BZW2: variants seen among roughly 807,000 people sequenced by gnomAD.
BZW2 encodes the protein basic leucine zipper and W2 domains 2, also known as eIF5-mimic protein 1.
In BZW2, 23 loss-of-function variants were observed where a neutral mutation model predicts 53.2. That is an observed-to-expected ratio of 0.43 (90% CI 0.31 to 0.61). The LOEUF (loss-of-function observed/expected upper bound fraction) is 0.61, where lower values mean the gene tolerates loss of function less well. Among genes scored for constraint, BZW2 ranks in the 20% least tolerant of loss-of-function variants. BZW2 has a pLI of 0.09. For synonymous variants in BZW2, 227 were observed against 186.4 expected (o/e 1.22, Z -1.77); for missense variants, 409 against 503.1 (o/e 0.81, Z 1.79).
chr7:16,652,902 T>G (rs956602022), intron 1 of BZW2, among the ~76,000 whole-genome samples: 2 of 152,246 alleles, frequency 1.3e-5, no homozygotes, highest in Non-Finnish European at 2.9e-5. Context: ...AATTCAATTT[T>G]GTATGGTCCA....
chr7:16,692,180 T>C (rs1236041410), intron 7 of BZW2, among the ~76,000 whole-genome samples: 1 of 152,090 alleles, frequency 6.6e-6, no homozygotes, highest in Non-Finnish European at 1.5e-5. Context: ...ACTATTACAA[T>C]ACAGAAGAAA....
At chr7:16,683,674 C>A (rs1381307307) in intron 5 of BZW2, among the ~76,000 whole-genome samples, 3 of 152,228 alleles carry the variant, frequency 2.0e-5, no homozygotes, top group Non-Finnish European at 4.4e-5. Flanking sequence ...TGAGTAATTG[C>A]ATGTTCCCTC....
intron 3 of BZW2, among the ~76,000 whole-genome samples, chr7:16,675,798 A>G (rs1782745502): frequency 6.6e-6 from 1 of 152,156 alleles, no homozygotes; most frequent in Admixed American, 6.5e-5. Flanking sequence ...TCTCTTTAGC[A>G]GCCGGGCGTG....
intron 3 of BZW2, among the ~76,000 whole-genome samples, chr7:16,678,811 C>G (rs369689746): frequency 9.2e-5 from 14 of 151,738 alleles, no homozygotes; most frequent in African/African-American, 3.4e-4. Flanking sequence ...AATTTTACAG[C>G]TGGGTCTCGG....
chr7:16,692,596 A>G (rs1158281881), intron 7 of BZW2, among the ~76,000 whole-genome samples: 2 of 151,928 alleles, frequency 1.3e-5, no homozygotes, highest in African/African-American at 4.8e-5. Flanking sequence ...AACCTTGTCT[A>G]TACTAAAAAT....
intron 6 of BZW2, 55 bp downstream of exon 6, chr7:16,686,095 CA>C: frequency 6.3e-7 from 1 of 1,595,790 alleles, no homozygotes; most frequent in Middle Eastern, 1.7e-4. Context: ...AATAAAGTCA[CA>C]GATAGTTAGA....
chr7:16,701,298 G>A (rs1356307599), intron 10 of BZW2, among the ~76,000 whole-genome samples: 1 of 152,038 alleles, frequency 6.6e-6, no homozygotes, highest in Non-Finnish European at 1.5e-5. Context: ...AAGTCCCATA[G>A]ACTCAGCATG....
At chr7:16,670,280 G>C (rs1027760247) in intron 2 of BZW2, among the ~76,000 whole-genome samples, 1 of 152,200 alleles carries the variant, frequency 6.6e-6, no homozygotes, top group Non-Finnish European at 1.5e-5. Flanking sequence ...CTTTTGGAAT[G>C]GGAGGATGAA....
chr7:16,648,239 A>T (rs958173731), intron 1 of BZW2, among the ~76,000 whole-genome samples: 1 of 152,240 alleles, frequency 6.6e-6, no homozygotes, highest in African/African-American at 2.4e-5. Flanking sequence ...AGTTTTATTG[A>T]TAATAAGATA....
intron 8 of BZW2, 62 bp from the exon 9 acceptor site, chr7:16,696,853 G>A (rs73679839): frequency 0.12 from 181,251 of 1,563,882 alleles, 11,743 homozygotes; most frequent in Middle Eastern, 0.22. Context: ...TGGGCAGCTA[G>A]CGGGGAGATG....
intron 2 of BZW2, among the ~76,000 whole-genome samples, chr7:16,673,858 C>T (rs538621552): frequency 6.6e-6 from 1 of 152,210 alleles, no homozygotes; most frequent in African/African-American, 2.4e-5. Flanking sequence ...TGGCTCATTA[C>T]ATCTATTAAA....
intron 3 of BZW2, among the ~76,000 whole-genome samples, chr7:16,678,087 C>CTT (rs71007780): frequency 0.13 from 8,435 of 66,876 alleles, 888 homozygotes; most frequent in East Asian, 0.3. Context: ...TTCCATTGTT[C>CTT]TTTTTTTTTT....
chr7:16,705,289 C>T (rs1284310151), intron 11 of BZW2, among the ~76,000 whole-genome samples: 1 of 144,622 alleles, frequency 6.9e-6, no homozygotes, highest in East Asian at 2.0e-4. Context: ...AACCAGGAGG[C>T]AGAGGTTGCA....
At chr7:16,656,549 G>A (rs1252608380) in intron 1 of BZW2, among the ~76,000 whole-genome samples, 1 of 112,480 alleles carries the variant, frequency 8.9e-6, no homozygotes, top group African/African-American at 4.4e-5. Flanking sequence ...TCCCCAGCGC[G>A]CGCGCGCACA....
intron 4 of BZW2, 151 bp downstream of exon 4, chr7:16,681,555 G>T: frequency 1.5e-6 from 1 of 662,026 alleles, no homozygotes; most frequent in East Asian, 2.8e-5. Context: ...AATAGGCCTA[G>T]CAGTGTGGCT....
intron 6 of BZW2, chr7:16,686,876 A>G (rs1783144106): frequency 6.6e-6 from 1 of 152,192 alleles, no homozygotes; most frequent in Non-Finnish European, 1.5e-5. Context: ...TTAGCTTAAA[A>G]TCACTCAGAT....
chr7:16,695,139 T>C, intron 8 of BZW2, 135 bp downstream of exon 8: 1 of 775,844 alleles, frequency 1.3e-6, no homozygotes, highest in Non-Finnish European at 1.8e-6. Flanking sequence ...TTCCTACCAT[T>C]TAAATTAACT....
intron 4 of BZW2, among the ~76,000 whole-genome samples, chr7:16,682,422 T>A (rs1782977361): frequency 6.6e-6 from 1 of 152,182 alleles, no homozygotes; most frequent in African/African-American, 2.4e-5. Flanking sequence ...TTTGCTCTCC[T>A]CCCCATCACA....
intron 10 of BZW2, chr7:16,700,617 C>G (rs988326885): frequency 1.4e-4 from 21 of 152,110 alleles, no homozygotes; most frequent in African/African-American, 4.8e-4. Flanking sequence ...TAACAAGTTT[C>G]CAAGCTGATG....
Sources: gnomAD v4.1 joint callset for allele counts (sites outside exome capture counted in the v4.1 genomes callset) on GRCh38, gnomAD v4.1.1 for gene constraint, MANE v1.5 for transcripts, NCBI Gene and HGNC (gene_info 2026-07-23, HGNC 2026-07-21) for gene names.